The following AIG1 variants were observed in gnomAD, a reference collection of about 807,000 sequenced individuals.
AIG1 encodes androgen-induced gene 1 protein.
AIG1 carries 23 observed loss-of-function variants against 31.4 expected under a neutral mutation model. That is an observed-to-expected ratio of 0.73 (90% CI 0.53 to 1.04). The LOEUF (loss-of-function observed/expected upper bound fraction) is 1.04, where lower values mean the gene tolerates loss of function less well. AIG1 is among the 50% of genes least tolerant of loss of function. The probability of loss-of-function intolerance (pLI) is 0.00; values close to 1 mark genes in which losing one functional copy is unlikely to be tolerated. For synonymous variants in AIG1, 100 were observed against 110.5 expected, an observed-to-expected ratio of 0.90 and a Z score of 0.60; for missense variants, 274 against 295.0, an observed-to-expected ratio of 0.93 and a Z score of 0.52.
upstream of AIG1, chr6:143,060,730 C>T: frequency 3.5e-6 from 1 of 286,528 alleles, no homozygotes; most frequent in Non-Finnish European, 7.5e-6. Context: ...CGCGCCCGGC[C>T]AGTACAGGTC....
chr6:143,078,764 G>C (rs1369576557), intron 1 of AIG1, among the ~76,000 whole-genome samples: 2 of 152,156 alleles, frequency 1.3e-5, no homozygotes, highest in Non-Finnish European at 2.9e-5. Flanking sequence ...CAACATGTGG[G>C]AATTATGAGA....
Position 143,329,296 on chromosome 6 carries a change from TATG to T in AIG1, c.516-3983_516-3981del, listed in dbSNP as rs1184789239. 3.9e-5 allele frequency among the ~76,000 whole-genome samples: 6 copies of T among 152,368 alleles called. No individual in the cohort carries two copies. The East Asian group carries it at 1.2e-3, about 29-fold the overall frequency. On this transcript the variant is annotated intron_variant, in intron 4 of 5. Coordinates refer to ENST00000357847, the MANE Select transcript of AIG1 (RefSeq NM_016108.4). The surrounding 1 kb of genome is among the most constrained non-coding windows in gnomAD (Gnocchi z 4.9). The stretch of plus-strand genomic sequence containing the variant: ...ACTTCTTTCCCAGCTTTGCCAGTTT[TATG>T]ATAAGTTCTTTAGTCTGATCTCAGT...
At chr6:143,337,125 C>T (rs1039407586) in intron 5 of AIG1, among the ~76,000 whole-genome samples, 18 of 152,208 alleles carry the variant, frequency 1.2e-4, no homozygotes, top group African/African-American at 4.3e-4. Context: ...ATAGTTCTAC[C>T]CTCTACAACC....
intron 1 of AIG1, among the ~76,000 whole-genome samples, chr6:143,068,015 G>A (rs1323226873): frequency 6.6e-6 from 1 of 152,120 alleles, no homozygotes; most frequent in East Asian, 1.9e-4. Context: ...TTTTGGATCA[G>A]GCATAAAATA....
In AIG1 at chr6:143,329,864, C is replaced by T. The variant is rs1356425050; in HGVS notation, c.516-3418C>T. Among the ~76,000 whole-genome samples the T allele has an allele frequency of 3.9e-5, 6 of 152,266 alleles. No homozygotes were observed. In the South Asian group the frequency reaches 1.2e-3, roughly 32 times the overall value. ...CTCGTTTACATATTGTCTATGGCTG[C>T]TTTTGCACTACAATGGCGGAGTTGA... is the stretch of plus-strand genomic sequence containing the variant. On this transcript the variant is annotated intron_variant, in intron 4 of 5. Transcript: ENST00000357847. This position sits in a 1 kb window ranked among gnomAD's most constrained non-coding sequence, Gnocchi z 4.9.
rs1319750998 is a variant in AIG1 at position 143,280,493 on chromosome 6, T to G, written c.400-3617T>G. On this transcript the variant is annotated intron_variant, in intron 3 of 5. Transcript: ENST00000357847. The surrounding 1 kb of genome is among the most constrained non-coding windows in gnomAD (Gnocchi z 4.1). ...ACCTAAATGCCTATCAGTGACAGATTGGATAAGGAAAATGTGGTACCTGTA... is the reference window on the plus strand; with the variant it reads ...ACCTAAATGCCTATCAGTGACAGATGGGATAAGGAAAATGTGGTACCTGTA... Among the ~76,000 whole-genome samples, 1 of 152,174 alleles carries G rather than the reference T, an allele frequency of 6.6e-6. No individual in the cohort carries two copies. The highest frequency in any genetic ancestry group is 2.4e-5 in the African/African-American group (1 of 41,436).
At chr6:143,324,732 C>CT (rs1047947251) in intron 4 of AIG1, among the ~76,000 whole-genome samples, 34 of 152,202 alleles carry the variant, frequency 2.2e-4, no homozygotes, top group African/African-American at 7.2e-4. Flanking sequence ...GCATATGAGT[C>CT]TGTGTCTTCA....
At position 143,198,340 on chromosome 6, in the gene AIG1, C is replaced by T. The variant is rs116032320; in HGVS notation, c.399+33157C>T. ...CTTTCTACTTTGCTGTTTTCCATGG[C>T]GTATGCTCAGTTAATGTCTGCTGAT... is the stretch of plus-strand genomic sequence containing the variant. On this transcript the variant is annotated intron_variant, in intron 3 of 5. Coordinates refer to ENST00000357847, the MANE Select transcript of AIG1 (RefSeq NM_016108.4). 5.4e-3 allele frequency among the ~76,000 whole-genome samples: 821 copies of T among 152,268 alleles called. 11 individuals carry two copies. The highest frequency in any genetic ancestry group is 0.016 in the African/African-American group (673 of 41,564).
rs1241873630 is a variant in AIG1, at chr6:143,280,252, AG to A, written c.400-3855del. Among the ~76,000 whole-genome samples the A allele has an allele frequency of 6.6e-6, 1 of 152,228 alleles. No homozygotes were observed. The highest frequency in any genetic ancestry group is 2.4e-5 in the African/African-American group (1 of 41,454). On this transcript the variant is annotated intron_variant, in intron 3 of 5. Transcript: ENST00000357847. This position sits in a 1 kb window ranked among gnomAD's most constrained non-coding sequence, Gnocchi z 4.1. Reference sequence around the variant, plus strand: ...AGATGCTGGTGAGGTTGCGAAGAAAAGGGAACACTTATACACTGTTGGTGGG... The same window carrying A: ...AGATGCTGGTGAGGTTGCGAAGAAAAGGAACACTTATACACTGTTGGTGGG...
At chr6:143,083,064 G>C (rs996251155) in intron 1 of AIG1, among the ~76,000 whole-genome samples, 7 of 152,226 alleles carry the variant, frequency 4.6e-5, no homozygotes, top group African/African-American at 9.6e-5. Context: ...TTGGGATGAG[G>C]ATAAGCCGAT....
intron 2 of AIG1, among the ~76,000 whole-genome samples, chr6:143,145,523 G>C (rs1370502998): frequency 6.7e-6 from 1 of 149,958 alleles, no homozygotes; most frequent in East Asian, 2.3e-4. Context: ...CTCTTCATCA[G>C]GTGAAGAGAT....
chr6:143,240,833 G>A (rs1206673318), intron 3 of AIG1, among the ~76,000 whole-genome samples: 2 of 152,048 alleles, frequency 1.3e-5, no homozygotes, highest in Non-Finnish European at 2.9e-5. Context: ...CTCAATTCCC[G>A]TACTTATCTT....
intron 1 of AIG1, among the ~76,000 whole-genome samples, chr6:143,072,948 C>T (rs1199512567): frequency 2.6e-5 from 4 of 152,200 alleles, no homozygotes; most frequent in Non-Finnish European, 4.4e-5. Flanking sequence ...ATAGAGTCCT[C>T]ATTTTGTACA....
At chr6:143,337,833 C>T in intron 5 of AIG1, 1 of 396,090 alleles carries the variant, frequency 2.5e-6, no homozygotes, top group Non-Finnish European at 4.4e-6. Flanking sequence ...CCTCAGCGCC[C>T]TGCAGTCTTG....
chr6:143,123,911 A>G (rs1051852263), intron 1 of AIG1, among the ~76,000 whole-genome samples: 11 of 152,236 alleles, frequency 7.2e-5, no homozygotes, highest in East Asian at 3.8e-4. Flanking sequence ...TAATGTCTTC[A>G]TAGGTTTTCC....
intron 3 of AIG1, among the ~76,000 whole-genome samples, chr6:143,226,364 C>T (rs1486436587): frequency 6.6e-6 from 1 of 151,946 alleles, no homozygotes; most frequent in Non-Finnish European, 1.5e-5. Flanking sequence ...CGTCAGCCTC[C>T]AAGTAGCTGC....
At chr6:143,065,687 A>G (rs1776635185) in intron 1 of AIG1, among the ~76,000 whole-genome samples, 1 of 152,236 alleles carries the variant, frequency 6.6e-6, no homozygotes, top group African/African-American at 2.4e-5. Context: ...TTCATTGAGT[A>G]TTCTTTTCTT....
At chr6:143,081,798 A>T (rs755473188) in intron 1 of AIG1, among the ~76,000 whole-genome samples, 23 of 152,038 alleles carry the variant, frequency 1.5e-4, no homozygotes, top group Non-Finnish European at 2.5e-4. Context: ...TGTCCTCGTG[A>T]GTTTCCCCAT....
chr6:143,261,942 C>CA (rs1358966223), intron 3 of AIG1, among the ~76,000 whole-genome samples: 4 of 152,228 alleles, frequency 2.6e-5, no homozygotes, highest in African/African-American at 9.6e-5. Flanking sequence ...GGTTAGTTTA[C>CA]AGCAATTTCT....
Sources: gnomAD v4.1 joint callset for allele counts (sites outside exome capture counted in the v4.1 genomes callset) on GRCh38, gnomAD v4.1.1 for gene constraint, Gnocchi (gnomAD v3.1) non-coding constraint, MANE v1.5 for transcripts, NCBI Gene and HGNC (gene_info 2026-07-23, HGNC 2026-07-21) for gene names.